Variants in TRMU observed in about 807,000 individuals in gnomAD.
The protein encoded by TRMU is mitochondrial tRNA-specific 2-thiouridylase 1.
TRMU carries 49 observed loss-of-function variants against 46.9 expected under a neutral mutation model. That is an observed-to-expected ratio of 1.05 (90% CI 0.83 to 1.33). TRMU has a LOEUF of 1.33. TRMU is among the 40% of genes most tolerant of loss of function. The pLI, the probability that TRMU is intolerant of heterozygous loss-of-function variation, is 0.00. For missense variants in TRMU, 572 were observed against 532.4 expected, an observed-to-expected ratio of 1.07 and a Z score of -0.73; for synonymous variants, 241 against 200.9, an observed-to-expected ratio of 1.20 and a Z score of -1.69.
rs1464202645 is a variant in TRMU, at chr22:46,348,465, G to A, written c.479-1826G>A. Among the ~76,000 whole-genome samples, 1 of 152,204 alleles carries A rather than the reference G, an allele frequency of 6.6e-6. No homozygotes were observed. Among genetic ancestry groups the A allele is most frequent in the African/African-American group, 2.4e-5 (1 of 41,446 alleles). On this transcript the variant is annotated intron_variant, in intron 4 of 10. Coordinates refer to ENST00000645190, the MANE Select transcript of TRMU (RefSeq NM_018006.5). The surrounding 1 kb of genome is among the most constrained non-coding windows in gnomAD (Gnocchi z 4.8). ...CTGGCCCAGCCTGGGTCTCTGGGTAGAGCACCTGCAGGGGCAGTGGACGGC... is the reference window on the plus strand; with the variant it reads ...CTGGCCCAGCCTGGGTCTCTGGGTAAAGCACCTGCAGGGGCAGTGGACGGC...
rs2078299903 is a variant in TRMU, at chr22:46,347,834, G to A, written c.478+1290G>A. ...GCTGCTTCTGCTGGGTCAGGCCCCA[G>A]CTGAGTTCTTTCCTCAGCGTTGCTG... is the stretch of plus-strand genomic sequence containing the variant. On this transcript the variant is annotated intron_variant, in intron 4 of 10. Coordinates refer to ENST00000645190, the MANE Select transcript of TRMU (RefSeq NM_018006.5). The surrounding 1 kb of genome is among the most constrained non-coding windows in gnomAD (Gnocchi z 5.0). Among the ~76,000 whole-genome samples the A allele has an allele frequency of 6.6e-6, 1 of 152,206 alleles. No individual in the cohort carries two copies. Among genetic ancestry groups the A allele is most frequent in the South Asian group, 2.1e-4 (1 of 4,826 alleles).
At position 46,357,050 on chromosome 22, in the gene TRMU, G is replaced by A; in HGVS notation, c.*44G>A. 1.2e-6 allele frequency: 2 copies of A among 1,611,194 alleles called. No homozygotes were observed. The highest frequency in any genetic ancestry group is 1.7e-6 in the Non-Finnish European group (2 of 1,179,202). ...AAGGAACCTGGAGAGCAGGACCCAT[G>A]GCTGGGCGGCTGGTGAGCAGTCCAG... On this transcript the variant is annotated 3_prime_UTR_variant, in exon 11 of 11. Transcript: ENST00000645190.
intron 7 of TRMU, chr22:46,353,447 G>A: frequency 2.7e-6 from 1 of 365,870 alleles, no homozygotes; most frequent in East Asian, 6.5e-5. Flanking sequence ...AGGGCCCCTG[G>A]CGTCACACAG....
Position 46,351,938 on chromosome 22 carries a change from T to A in TRMU, c.652-183T>A. Reference sequence around the variant, plus strand: ...GAGACAATGAGGCGTTCTCTAAGGCTCTGGCATCGTGTGCGCCGGCTGTGA... The same window carrying A: ...GAGACAATGAGGCGTTCTCTAAGGCACTGGCATCGTGTGCGCCGGCTGTGA... On this transcript the variant is annotated intron_variant, in intron 5 of 10. Coordinates refer to ENST00000645190, the MANE Select transcript of TRMU (RefSeq NM_018006.5). The surrounding 1 kb of genome is among the most constrained non-coding windows in gnomAD (Gnocchi z 6.4). 1 of 754,316 alleles carries A rather than the reference T, an allele frequency of 1.3e-6. No homozygotes were observed. The highest frequency in any genetic ancestry group is 2.4e-6 in the Non-Finnish European group (1 of 417,768). 46.7% of individuals were successfully genotyped at this position (754,316 alleles called of 1,614,324 possible).
chr22:46,344,298 T>C (rs77069554), intron 3 of TRMU, among the ~76,000 whole-genome samples: 4,534 of 152,254 alleles, frequency 0.03, 244 homozygotes, highest in African/African-American at 0.1. Context: ...TTGATGATCA[T>C]AGAATGTCTA....
At position 46,343,250 on chromosome 22, in the gene TRMU, C is replaced by G; in HGVS notation, c.249-12C>G. Reference sequence around the variant, plus strand: ...TCACACTTGGAACTGAAGTCATTTTCTTTTATTCTAGTGACTTTTTGAATG... The same window carrying G: ...TCACACTTGGAACTGAAGTCATTTTGTTTTATTCTAGTGACTTTTTGAATG... On this transcript the variant is annotated splice_polypyrimidine_tract_variant and intron_variant, in intron 2 of 10. Transcript: ENST00000645190. 1 of 1,519,222 alleles carries G rather than the reference C, an allele frequency of 6.6e-7. No homozygotes were observed. 94.1% of individuals were successfully genotyped at this position (1,519,222 alleles called of 1,614,324 possible). A position where few individuals can be genotyped will look rare whatever the true frequency, so the allele number is the denominator to read the frequency against.
At chr22:46,346,278 CTA>C (rs1422079460) in intron 3 of TRMU, 142 bp from the exon 4 acceptor site, 1 of 958,816 alleles carries the variant, frequency 1.0e-6, no homozygotes, top group Non-Finnish European at 1.5e-6. Context: ...CCTGGGATCT[CTA>C]TGTTTGGGTG....
At position 46,338,744 on chromosome 22, in the gene TRMU, T is replaced by C. The variant is rs1218735443; in HGVS notation, c.248+800T>C. On this transcript the variant is annotated intron_variant, in intron 2 of 10. Coordinates refer to ENST00000645190, the MANE Select transcript of TRMU (RefSeq NM_018006.5). The surrounding 1 kb of genome is among the most constrained non-coding windows in gnomAD (Gnocchi z 4.5). ...GTTGTAAAGTTTGGCTGGACTTTTG[T>C]TCCTGCAGTGGAAGGAGTGTAGGGC... 6.6e-6 allele frequency among the ~76,000 whole-genome samples: 1 copy of C among 152,232 alleles called. No individual in the cohort carries two copies. Among genetic ancestry groups the C allele is most frequent in the Non-Finnish European group, 1.5e-5 (1 of 68,042 alleles).
chr22:46,342,022 G>C lies in TRMU; in HGVS notation c.249-1240G>C, dbSNP rs948142074. 6.6e-6 allele frequency among the ~76,000 whole-genome samples: 1 copy of C among 152,140 alleles called. No homozygotes were observed. The highest frequency in any genetic ancestry group is 6.5e-5 in the Admixed American group (1 of 15,278). Reference sequence around the variant, plus strand: ...AAGAAGGCTTCTGTGACAAAGGTGTGGGGGGTTTTCCCCATACAGCAAGCA... The same window carrying C: ...AAGAAGGCTTCTGTGACAAAGGTGTCGGGGGTTTTCCCCATACAGCAAGCA... On this transcript the variant is annotated intron_variant, in intron 2 of 10. Coordinates refer to ENST00000645190, the MANE Select transcript of TRMU (RefSeq NM_018006.5). The surrounding 1 kb of genome is among the most constrained non-coding windows in gnomAD (Gnocchi z 4.7).
chr22:46,337,639 C>A, intron 1 of TRMU, 140 bp from the exon 2 acceptor site: 4 of 1,095,208 alleles, frequency 3.7e-6, no homozygotes, highest in Non-Finnish European at 5.4e-6. Flanking sequence ...AGCCACATGG[C>A]AAAGCAGGGA....
At chr22:46,337,575 A>G (rs2078011165) in intron 1 of TRMU, among the ~76,000 whole-genome samples, 1 of 152,134 alleles carries the variant, frequency 6.6e-6, no homozygotes, top group African/African-American at 2.4e-5. Flanking sequence ...ATGAGAAAAT[A>G]CCACCTCGTT....
rs560825750 is a variant in TRMU, at chr22:46,357,307, G to A, written c.*301G>A. 4 of 502,710 alleles carry A rather than the reference G, an allele frequency of 8.0e-6. No individual in the cohort carries two copies. Among genetic ancestry groups the A allele is most frequent in the African/African-American group, 5.8e-5 (3 of 51,620 alleles). 31.1% of individuals were successfully genotyped at this position (502,710 alleles called of 1,614,324 possible). On this transcript the variant is annotated 3_prime_UTR_variant, in exon 11 of 11. Coordinates refer to ENST00000645190, the MANE Select transcript of TRMU (RefSeq NM_018006.5). ...GAGGGGACCTGCAGAGGGGGCTGTC[G>A]GGACAGCGTGGAATAAACATTATTT...
chr22:46,352,404 C>T, intron 7 of TRMU, 74 bp downstream of exon 7: 1 of 1,557,580 alleles, frequency 6.4e-7, no homozygotes, highest in Non-Finnish European at 8.9e-7. Flanking sequence ...GAGACTAGAC[C>T]AGAGTTCCTG....
In TRMU at chr22:46,335,807, G is replaced by A. The variant is rs1205866905; in HGVS notation, c.43G>A (p.Val15Met). 1.9e-6 allele frequency: 3 copies of A among 1,561,054 alleles called. No homozygotes were observed. Among genetic ancestry groups the A allele is most frequent in the African/African-American group, 2.7e-5 (2 of 73,674 alleles). ...RHVVCALSGG[V>M]DSAVAALLLR... is the part of the protein sequence containing the mutation. The stretch of plus-strand genomic sequence containing the variant: ...CGTCGTGTGCGCCCTGTCCGGCGGC[G>A]TGGACAGCGCCGTGGCCGCGCTGCT... Residue 15 changes from valine (V) to methionine (M), a missense_variant, in exon 1 of 11, where the codon GTG becomes ATG. By Grantham distance (21) the Val-to-Met change is conservative (BLOSUM62 1). Transcript: ENST00000645190.
chr22:46,356,485 C>G (rs903716513), intron 10 of TRMU: 10 of 422,542 alleles, frequency 2.4e-5, no homozygotes, highest in African/African-American at 1.8e-4. Context: ...TGGGAGGGAA[C>G]CTGGGGTGAG....
Position 46,350,360 on chromosome 22 carries a change from A to T in TRMU, c.548A>T (p.Asp183Val). 1 of 1,614,254 alleles carries T rather than the reference A, an allele frequency of 6.2e-7. No homozygotes were observed. The highest frequency in any genetic ancestry group is 8.5e-7 in the Non-Finnish European group (1 of 1,180,046). Residue 183 changes from aspartate to valine, a missense_variant, in exon 5 of 11, where the codon GAT becomes GTT. Asp to Val is a radical substitution (Grantham distance 152). Coordinates refer to ENST00000645190, the MANE Select transcript of TRMU (RefSeq NM_018006.5). This position sits in a 1 kb window ranked among gnomAD's most constrained non-coding sequence, Gnocchi z 4.6. ...QTFFLSQVSQ[D>V]ALRRTIFPLG... is the part of the protein sequence containing the mutation. Reference sequence around the variant, plus strand: ...TTCTTTCTCAGCCAGGTTTCCCAGGATGCCCTGAGGAGAACCATCTTCCCT... The same window carrying T: ...TTCTTTCTCAGCCAGGTTTCCCAGGTTGCCCTGAGGAGAACCATCTTCCCT...
chr22:46,355,926 TG>T, intron 9 of TRMU, 63 bp from the exon 10 acceptor site: 7 of 1,582,278 alleles, frequency 4.4e-6, no homozygotes, highest in Non-Finnish European at 6.1e-6. Context: ...CCTTTCTCCC[TG>T]GGGGCCTGAG....
chr22:46,353,816 A>C lies in TRMU; in HGVS notation c.822A>C (p.Arg274Ser), dbSNP rs1228328623. Residue 274 changes from arginine (R) to serine (S), a missense_variant, in exon 8 of 11, where the codon AGA (arginine) becomes AGC (serine). Physicochemically the swap from Arg to Ser is moderately radical, Grantham distance 110. Transcript: ENST00000645190. ...AGAGAGCAAACATAGGTGGCCTGAG[A>C]GAGCCCTGGTACGTGGTGGAGAAGG... ...LGQRANIGGL[R>S]EPWYVVEKDS... is the part of the protein sequence containing the mutation. 6.2e-7 allele frequency: 1 copy of C among 1,613,882 alleles called. No individual in the cohort carries two copies. Among genetic ancestry groups the C allele is most frequent in the African/African-American group, 1.3e-5 (1 of 74,910 alleles).
chr22:46,354,089 A>C, intron 8 of TRMU: 1 of 505,204 alleles, frequency 2.0e-6, no homozygotes, highest in Non-Finnish European at 3.6e-6. Flanking sequence ...TCTCTTAATC[A>C]TCCCTGAACC....
Sources: gnomAD v4.1 joint callset for allele counts (sites outside exome capture counted in the v4.1 genomes callset) on GRCh38, gnomAD v4.1.1 for gene constraint, Gnocchi (gnomAD v3.1) non-coding constraint, MANE v1.5 for transcripts, NCBI Gene and HGNC (gene_info 2026-07-23, HGNC 2026-07-21) for gene names.